MALT1: variants seen among roughly 807,000 people sequenced by gnomAD.
MALT1 encodes the protein mucosa-associated lymphoid tissue lymphoma translocation protein 1.
A neutral mutation model predicts 85.5 loss-of-function variants in MALT1; 36 were observed. The ratio of observed to expected loss-of-function variants is 0.42; its 90% CI spans 0.32 to 0.56. The LOEUF (loss-of-function observed/expected upper bound fraction) is 0.56. Among genes scored for constraint, MALT1 ranks in the 20% least tolerant of loss-of-function variants. The pLI, the probability that MALT1 is intolerant of heterozygous loss-of-function variation, is 0.10. For missense variants in MALT1, 716 were observed against 981.6 expected (o/e 0.73, Z 3.62); for synonymous variants, 359 against 361.3 (o/e 0.99, Z 0.07).
At chr18:58,693,425 C>CA (rs775446018) in intron 2 of MALT1, among the ~76,000 whole-genome samples, 1 of 151,718 alleles carries the variant, frequency 6.6e-6, no homozygotes, top group Non-Finnish European at 1.5e-5. Context: ...TGTCTCAAAA[C>CA]AAAAAAGCAA....
At chr18:58,746,586 G>A (rs1319014306) in intron 16 of MALT1, among the ~76,000 whole-genome samples, 3 of 152,064 alleles carry the variant, frequency 2.0e-5, no homozygotes, top group African/African-American at 7.2e-5. Flanking sequence ...ATCCTGTTCG[G>A]AGCTCATCTA....
chr18:58,700,631 C>T (rs760252251), intron 4 of MALT1, 40 bp downstream of exon 4: 5 of 1,516,842 alleles, frequency 3.3e-6, no homozygotes, highest in Middle Eastern at 1.8e-4. Context: ...ATGGGGATTC[C>T]CCATATTTTA....
rs143536870 is a variant in MALT1, at chr18:58,747,720, G to A, written c.2353G>A (p.Ala785Thr). 9 of 1,614,160 alleles carry A rather than the reference G, an allele frequency of 5.6e-6. No individual in the cohort carries two copies. Among genetic ancestry groups the A allele is most frequent in the Non-Finnish European group, 7.6e-6 (9 of 1,180,026 alleles). ...DSCHCSRTPD[A>T]FISSFAHHAS... ...CTGTCATTGCAGCCGGACTCCAGAT[G>A]CATTTATTTCAAGTTTCGCTCACCA... Residue 785 changes from alanine (A) to threonine (T), a missense_variant, in exon 17 of 17, where the codon GCA becomes ACA. By Grantham distance (58) the Ala-to-Thr change is moderately conservative. Around this residue, in one of 4 missense-constraint regions of MALT1, gnomAD observed 260 missense variants for 323.7 expected, o/e 0.80. Coordinates refer to ENST00000649217, the MANE Select transcript of MALT1 (RefSeq NM_006785.4).
rs181740570 is a variant in MALT1 at position 58,678,036 on chromosome 18, T to C, written c.210-3134T>C. 1.8e-3 allele frequency among the ~76,000 whole-genome samples: 279 copies of C among 152,340 alleles called. 1 individual carries two copies. The highest frequency in any genetic ancestry group is 0.017 in the Middle Eastern group (5 of 294). ...ATTGCATAATAAGAGCTAACCTTTA[T>C]TGAATGTCTGTTACTTGCCAAGCAC... is the stretch of plus-strand genomic sequence containing the variant. On this transcript the variant is annotated intron_variant, in intron 1 of 16. Transcript: ENST00000649217.
At chr18:58,722,602 C>T (rs2055000016) in intron 9 of MALT1, among the ~76,000 whole-genome samples, 1 of 152,082 alleles carries the variant, frequency 6.6e-6, no homozygotes, top group Non-Finnish European at 1.5e-5. Flanking sequence ...TTCTTCCTGT[C>T]CCTTTTTTAG....
chr18:58,678,734 T>C (rs2054277279), intron 1 of MALT1, among the ~76,000 whole-genome samples: 1 of 152,186 alleles, frequency 6.6e-6, no homozygotes, highest in Admixed American at 6.6e-5. Flanking sequence ...CAAAGAAGAA[T>C]GTGTGATAGA....
rs569882350 is a variant in MALT1 at position 58,694,725 on chromosome 18, G to A, written c.377-1641G>A. ...CACAGTTTCTGAGGCTAGTAGTCCA[G>A]AAGTGGCTTAGCTGGGTAGTCCTGG... is the stretch of plus-strand genomic sequence containing the variant. On this transcript the variant is annotated intron_variant, in intron 2 of 16. Transcript: ENST00000649217. Among the ~76,000 whole-genome samples the A allele has an allele frequency of 1.4e-4, 21 of 152,332 alleles. No homozygotes were observed. In the South Asian group the frequency reaches 4.1e-3, roughly 30 times the overall value.
intron 1 of MALT1, among the ~76,000 whole-genome samples, chr18:58,678,149 G>A (rs551563026): frequency 7.2e-5 from 11 of 152,168 alleles, no homozygotes; most frequent in South Asian, 2.1e-4. Context: ...TAATTTGATC[G>A]TATACATTTT....
At chr18:58,710,734 G>T (rs77212244) in intron 6 of MALT1, among the ~76,000 whole-genome samples, 187 bp from the exon 7 acceptor site, 1 of 152,072 alleles carries the variant, frequency 6.6e-6, no homozygotes, top group South Asian at 2.1e-4. Flanking sequence ...TCTTAACTGC[G>T]TAATTTGGGA....
chr18:58,745,908 A>G, intron 16 of MALT1, 117 bp downstream of exon 16: 1 of 904,026 alleles, frequency 1.1e-6, no homozygotes, highest in Admixed American at 2.7e-5. Flanking sequence ...ACCAGTCTAC[A>G]GAAGGTCCTA....
rs2054586517 is a variant in MALT1 at position 58,696,309 on chromosome 18, A to C, written c.377-57A>C. Reference sequence around the variant, plus strand: ...TTCAATTTTTGGTTTCAGATGTATAAACAAGGAAAATCCCTCTTGTGACTT... The same window carrying C: ...TTCAATTTTTGGTTTCAGATGTATACACAAGGAAAATCCCTCTTGTGACTT... On this transcript the variant is annotated intron_variant, in intron 2 of 16. Transcript: ENST00000649217. The C allele has an allele frequency of 9.2e-6, 12 of 1,306,392 alleles. No individual in the cohort carries two copies. The South Asian group carries it at 2.6e-4, about 29-fold the overall frequency. 80.9% of individuals were successfully genotyped at this position (1,306,392 alleles called of 1,614,324 possible). A position where few individuals can be genotyped will look rare whatever the true frequency, so the allele number is the denominator to read the frequency against.
intron 2 of MALT1, among the ~76,000 whole-genome samples, chr18:58,687,415 CAT>C (rs756417052): frequency 6.6e-5 from 10 of 152,100 alleles, no homozygotes; most frequent in African/African-American, 2.2e-4. Flanking sequence ...GTAAGAGAAA[CAT>C]ATGTGGACAT....
intron 14 of MALT1, among the ~76,000 whole-genome samples, chr18:58,743,946 T>G (rs2144488243): frequency 6.6e-6 from 1 of 151,996 alleles, no homozygotes; most frequent in African/African-American, 2.4e-5. Context: ...AGAAAAACAA[T>G]AAAACCCAGA....
intron 10 of MALT1, among the ~76,000 whole-genome samples, chr18:58,729,489 CAAAA>C (rs72233465): frequency 7.3e-5 from 7 of 96,516 alleles, no homozygotes; most frequent in East Asian, 5.5e-4. Context: ...AACTCCGTCT[CAAAA>C]AAAAAAAAAA....
intron 10 of MALT1, among the ~76,000 whole-genome samples, chr18:58,727,625 T>TG (rs963096703): frequency 5.5e-5 from 7 of 128,350 alleles, no homozygotes; most frequent in Admixed American, 1.7e-4. Context: ...TGTTTTTTTT[T>TG]TTGTTTTTTT....
chr18:58,736,608 T>G (rs891049326), intron 13 of MALT1, among the ~76,000 whole-genome samples: 1 of 152,248 alleles, frequency 6.6e-6, no homozygotes, highest in Non-Finnish European at 1.5e-5. Flanking sequence ...CTCACTCACA[T>G]ATGATATTTA....
chr18:58,683,225 C>T (rs2054349083), intron 2 of MALT1, among the ~76,000 whole-genome samples: 1 of 152,204 alleles, frequency 6.6e-6, no homozygotes, highest in African/African-American at 2.4e-5. Context: ...CTTTTGCTTA[C>T]TTTACTAAGT....
intron 12 of MALT1, 76 bp downstream of exon 12, chr18:58,734,457 GGGTCTTAACTCT>G: frequency 2.6e-6 from 3 of 1,134,740 alleles, no homozygotes; most frequent in Non-Finnish European, 4.0e-6. Flanking sequence ...TTAGGAGCAG[GGGTCTTAACTCT>G]GTCACCCAGG....
intron 2 of MALT1, 61 bp downstream of exon 2, chr18:58,681,397 A>C: frequency 1.3e-6 from 2 of 1,484,052 alleles, no homozygotes; most frequent in Non-Finnish European, 1.8e-6. Context: ...AGAAGAAATT[A>C]TCTCTTTTGA....
Sources: gnomAD v4.1 joint callset for allele counts (sites outside exome capture counted in the v4.1 genomes callset) on GRCh38, gnomAD v4.1.1 for gene constraint, gnomAD v4.1.1 regional missense constraint, MANE v1.5 for transcripts, NCBI Gene and HGNC (gene_info 2026-07-23, HGNC 2026-07-21) for gene names.